Variants in DLGAP3 observed in about 807,000 individuals in gnomAD.
The protein encoded by DLGAP3 is DLG associated protein 3.
A neutral mutation model predicts 81.2 loss-of-function variants in DLGAP3; 17 were observed. That is an observed-to-expected ratio of 0.21 (90% CI 0.14 to 0.31). The LOEUF (loss-of-function observed/expected upper bound fraction) is 0.31, where lower values mean the gene tolerates loss of function less well. Ranked by LOEUF, DLGAP3 falls within the 10% of genes least tolerant of loss-of-function variation. The pLI is 1.00. For missense variants in DLGAP3, 1,124 were observed against 1,388.0 expected, an observed-to-expected ratio of 0.81 and a Z score of 3.02; for synonymous variants, 577 against 587.4, an observed-to-expected ratio of 0.98 and a Z score of 0.26.
Position 34,899,649 on chromosome 1 carries a change from C to T in DLGAP3, c.1386+20G>A, listed in dbSNP as rs572766893. 4 of 1,596,142 alleles carry T rather than the reference C, an allele frequency of 2.5e-6. No individual in the cohort carries two copies. The highest frequency in any genetic ancestry group is 4.5e-5 in the East Asian group (2 of 44,784). On this transcript the variant is annotated intron_variant, in intron 5 of 11. Transcript: ENST00000373347. ...TCCCTTTTTCACTCTTTCCTCCAGG[C>T]ATACTGGGCCTCTCCCTACCTGTCC...
Position 34,868,871 on chromosome 1 carries a change from C to T in DLGAP3, c.2219G>A (p.Arg740His). 1 of 1,593,264 alleles carries T rather than the reference C, an allele frequency of 6.3e-7. No homozygotes were observed. Among genetic ancestry groups the T allele is most frequent in the South Asian group, 1.1e-5 (1 of 90,474 alleles). ...CTCGTACGGCAGTGGGTAGCCCTCG[C>T]GGTAGGCCCACTGGCCCTGCGTGTG... Reference protein sequence around the residue: ...TVHTQGQWAYREGYPLPYEPP... With the variant: ...TVHTQGQWAYHEGYPLPYEPP... Residue 740 changes from arginine to histidine, a missense_variant, in exon 9 of 12, where the codon CGC becomes CAC. Coordinates refer to ENST00000373347, the MANE Select transcript of DLGAP3 (RefSeq NM_001080418.3). This position sits in a 1 kb window ranked among gnomAD's most constrained non-coding sequence, Gnocchi z 7.5.
At position 34,885,541 on chromosome 1, in the gene DLGAP3, A is replaced by G. The variant is rs750939308; in HGVS notation, c.1851T>C (p.Pro617=). 130 of 1,608,892 alleles carry G rather than the reference A, an allele frequency of 8.1e-5. 1 individual carries two copies. The South Asian group carries it at 1.4e-3, about 17-fold the overall frequency. Residue 617 remains proline (P), a synonymous_variant, in exon 7 of 12, where the codon CCT becomes CCC. Coordinates refer to ENST00000373347, the MANE Select transcript of DLGAP3 (RefSeq NM_001080418.3). ...CCAGGCTCCGCAGCTCCTCCCTGCC[A>G]GGGATGGTCTTGATGATGAGTGTGG... ...KPPTLIIKTI[P]GREELRSLAR...
At chr1:34,922,248 C>T (rs1385639479) in intron 1 of DLGAP3, among the ~76,000 whole-genome samples, 1 of 152,152 alleles carries the variant, frequency 6.6e-6, no homozygotes, top group Non-Finnish European at 1.5e-5. Flanking sequence ...AGTTGGCTCC[C>T]AAGGACATAA....
rs1639483295 is a variant in DLGAP3 at position 34,902,820 on chromosome 1, A to G, written c.1107+1457T>C. On this transcript the variant is annotated intron_variant, in intron 3 of 11. Coordinates refer to ENST00000373347, the MANE Select transcript of DLGAP3 (RefSeq NM_001080418.3). This position sits in a 1 kb window ranked among gnomAD's most constrained non-coding sequence, Gnocchi z 4.4. ...AGGAAGCCCCCAGGGAGGTCAGGGC[A>G]GCCCTGAAGCAGCAGCAGGGAGCAG... is the stretch of plus-strand genomic sequence containing the variant. 1.3e-5 allele frequency among the ~76,000 whole-genome samples: 2 copies of G among 152,126 alleles called. No homozygotes were observed.
At chr1:34,887,582 G>C (rs1012323822) in intron 5 of DLGAP3, among the ~76,000 whole-genome samples, 2 of 152,162 alleles carry the variant, frequency 1.3e-5, no homozygotes, top group African/African-American at 4.8e-5. Context: ...TGCTACCCGA[G>C]GTAAGTGCTA....
At chr1:34,910,495 G>A (rs1454378936) in intron 1 of DLGAP3, among the ~76,000 whole-genome samples, 1 of 152,154 alleles carries the variant, frequency 6.6e-6, no homozygotes, top group Non-Finnish European at 1.5e-5. Context: ...AGGCCTGCAG[G>A]GTCTGGCCCT....
rs184737443 is a variant in DLGAP3, at chr1:34,900,059, T to G, written c.1313+9A>C. 1.2e-6 allele frequency: 2 copies of G among 1,611,212 alleles called. No homozygotes were observed. Among genetic ancestry groups the G allele is most frequent in the Non-Finnish European group, 1.7e-6 (2 of 1,179,552 alleles). On this transcript the variant is annotated intron_variant, in intron 4 of 11. Transcript: ENST00000373347. The surrounding 1 kb of genome is among the most constrained non-coding windows in gnomAD (Gnocchi z 5.6). ...TGACCCCGCACCCCCCGGCCCTCCC[T>G]GTCCTTACTTGATCCTGGCCTGGTC...
intron 5 of DLGAP3, among the ~76,000 whole-genome samples, chr1:34,898,443 C>T (rs1473494534): frequency 1.3e-5 from 2 of 152,168 alleles, no homozygotes; most frequent in African/African-American, 2.4e-5. Context: ...AGCATTAACT[C>T]GTGGGTTTAA....
intron 1 of DLGAP3, among the ~76,000 whole-genome samples, chr1:34,917,075 T>G (rs1639730406): frequency 6.6e-6 from 1 of 152,056 alleles, no homozygotes; most frequent in East Asian, 1.9e-4. Context: ...CAGTGTGCCC[T>G]TTCTCATCAC....
At position 34,868,838 on chromosome 1, in the gene DLGAP3, G is replaced by A. The variant is rs1457761179; in HGVS notation, c.2252C>T (p.Ala751Val). 2.5e-6 allele frequency: 4 copies of A among 1,582,070 alleles called. No individual in the cohort carries two copies. The highest frequency in any genetic ancestry group is 3.4e-6 in the Non-Finnish European group (4 of 1,169,450). ...EGYPLPYEPP[A>V]TDGSPGPAPA... Reference sequence around the variant, plus strand: ...GGCAGGGCCGGGCGACCCATCGGTGGCCGGCGGCTCGTACGGCAGTGGGTA... The same window carrying A: ...GGCAGGGCCGGGCGACCCATCGGTGACCGGCGGCTCGTACGGCAGTGGGTA... The change falls in exon 9 of 12, where the codon GCC becomes GTC. Residue 751 changes from alanine (A) to valine (V), a missense_variant. Physicochemically the swap from Ala to Val is moderately conservative, Grantham distance 64. Coordinates refer to ENST00000373347, the MANE Select transcript of DLGAP3 (RefSeq NM_001080418.3). The surrounding 1 kb of genome is among the most constrained non-coding windows in gnomAD (Gnocchi z 7.5).
intron 8 of DLGAP3, among the ~76,000 whole-genome samples, chr1:34,879,981 C>G (rs1034396006): frequency 3.3e-5 from 5 of 152,058 alleles, no homozygotes; most frequent in African/African-American, 1.2e-4. Context: ...AGATTGCTCA[C>G]CAAAACAAAA....
At chr1:34,927,508 C>T (rs759921609) in intron 1 of DLGAP3, among the ~76,000 whole-genome samples, 4 of 152,160 alleles carry the variant, frequency 2.6e-5, no homozygotes, top group Non-Finnish European at 5.9e-5. Context: ...CAAAACTCAG[C>T]GGGCCCTGCC....
intron 1 of DLGAP3, among the ~76,000 whole-genome samples, chr1:34,918,300 G>T (rs1031175296): frequency 6.6e-6 from 1 of 152,222 alleles, no homozygotes; most frequent in Non-Finnish European, 1.5e-5. Flanking sequence ...TCACCTCGAG[G>T]TGTGCCCTGG....
At chr1:34,908,844 A>G (rs532163928) in intron 1 of DLGAP3, among the ~76,000 whole-genome samples, 55 of 152,350 alleles carry the variant, frequency 3.6e-4, no homozygotes, top group Admixed American at 3.5e-3. Context: ...CCTCACAGAT[A>G]CCAACTGCCT....
intron 11 of DLGAP3, 60 bp from the exon 12 acceptor site, chr1:34,866,361 C>T (rs746088944): frequency 3.8e-4 from 509 of 1,353,346 alleles, no homozygotes; most frequent in Non-Finnish European, 4.7e-4. Flanking sequence ...CCCAGGTGTC[C>T]GCCCCCGCAC....
intron 1 of DLGAP3, among the ~76,000 whole-genome samples, chr1:34,917,160 T>C (rs1413213483): frequency 6.6e-6 from 1 of 152,088 alleles, no homozygotes; most frequent in Non-Finnish European, 1.5e-5. Flanking sequence ...GACTGTTCAT[T>C]CACAAATTAA....
intron 2 of DLGAP3, 30 bp from the exon 3 acceptor site, chr1:34,905,464 A>G: frequency 7.0e-7 from 1 of 1,435,680 alleles, no homozygotes; most frequent in Non-Finnish European, 9.4e-7. Context: ...AGGTATTTGA[A>G]TTGAACAGCC....
In DLGAP3 at chr1:34,885,730, G is replaced by T; in HGVS notation, c.1662C>A (p.Ile554=). 7.0e-7 allele frequency: 1 copy of T among 1,420,830 alleles called. No homozygotes were observed. Among genetic ancestry groups the T allele is most frequent in the Non-Finnish European group, 9.1e-7 (1 of 1,095,866 alleles). The allele number at this position is 1,420,830 out of a possible 1,614,324, so 88.0% of individuals were successfully genotyped here. A position where few individuals can be genotyped will look rare whatever the true frequency, so the allele number is the denominator to read the frequency against. ...CGGTGCTGCTCTGGGCGGTGATGGA[G>T]ATGCGGGGCGGGGCCTGGCTTCCCG... is the stretch of plus-strand genomic sequence containing the variant. ...IPPGSQAPPR[I]SITAQSSTDS... Residue 554 remains isoleucine (I), a synonymous_variant, in exon 7 of 12, where the codon ATC becomes ATA. Transcript: ENST00000373347.
chr1:34,880,460 G>A (rs1170744478), intron 8 of DLGAP3, among the ~76,000 whole-genome samples: 1 of 152,252 alleles, frequency 6.6e-6, no homozygotes, highest in Non-Finnish European at 1.5e-5. Context: ...GCCAAGCACA[G>A]TGGCTCACGC....
Sources: allele counts gnomAD v4.1 joint callset (sites outside exome capture counted in the v4.1 genomes callset), GRCh38; gene constraint gnomAD v4.1.1; non-coding constraint Gnocchi (gnomAD v3.1); transcripts MANE v1.5; gene names NCBI Gene and HGNC (gene_info 2026-07-23, HGNC 2026-07-21).